The following PKD2L2 variants were observed in gnomAD, a reference collection of about 807,000 sequenced individuals.
PKD2L2 encodes the protein polycystin-2-like protein 2.
In PKD2L2, 67 loss-of-function variants were observed where a neutral mutation model predicts 83.9. The observed-to-expected ratio is 0.80, with a 90% CI of 0.66 to 0.98. The LOEUF is 0.98. PKD2L2 is among the 50% of genes least tolerant of loss of function. The pLI is 0.00. For missense variants in PKD2L2, 632 were observed against 717.2 expected (o/e 0.88, Z 1.36); for synonymous variants, 223 against 237.8 (o/e 0.94, Z 0.57).
intron 4 of PKD2L2, among the ~76,000 whole-genome samples, chr5:137,897,956 A>G (rs1756619013): frequency 6.6e-6 from 1 of 151,904 alleles, no homozygotes; most frequent in Non-Finnish European, 1.5e-5. Context: ...TAAAAAGAAG[A>G]AACAAAAAAA....
chr5:137,922,540 C>A (rs1759005414), intron 9 of PKD2L2, among the ~76,000 whole-genome samples: 1 of 152,108 alleles, frequency 6.6e-6, no homozygotes, highest in African/African-American at 2.4e-5. Flanking sequence ...GAGTTCAAGA[C>A]CAGCCTGGGC....
intron 14 of PKD2L2, chr5:137,941,910 G>A (rs1306609562): frequency 6.5e-7 from 1 of 1,530,034 alleles, no homozygotes. Context: ...AGTTAGAGAA[G>A]AAAGATGACT....
At chr5:137,892,175 C>T (rs896212202) in intron 2 of PKD2L2, among the ~76,000 whole-genome samples, 2 of 152,192 alleles carry the variant, frequency 1.3e-5, no homozygotes, top group Non-Finnish European at 2.9e-5. Context: ...TTGCCTTACT[C>T]TCATGTAGAG....
At chr5:137,902,223 A>G (rs1232097089) in intron 5 of PKD2L2, among the ~76,000 whole-genome samples, 2 of 152,176 alleles carry the variant, frequency 1.3e-5, no homozygotes, top group East Asian at 1.9e-4. Flanking sequence ...GGACCCTTCA[A>G]TGATATAGAC....
At chr5:137,923,846 G>A (rs1759145384) in intron 10 of PKD2L2, among the ~76,000 whole-genome samples, 1 of 152,182 alleles carries the variant, frequency 6.6e-6, no homozygotes, top group South Asian at 2.1e-4. Flanking sequence ...CTTCCGGAAA[G>A]TTTTTGCTCT....
intron 11 of PKD2L2, among the ~76,000 whole-genome samples, chr5:137,925,619 T>C (rs1425640457): frequency 6.6e-6 from 1 of 152,266 alleles, no homozygotes; most frequent in Non-Finnish European, 1.5e-5. Flanking sequence ...GTATTTACAC[T>C]TGTATTTATT....
intron 8 of PKD2L2, among the ~76,000 whole-genome samples, chr5:137,920,024 C>T (rs1758746186): frequency 6.6e-6 from 1 of 152,114 alleles, no homozygotes; most frequent in Admixed American, 6.6e-5. Context: ...GTGGTGAAAT[C>T]CTGTCTCTAC....
At chr5:137,935,069 T>C (rs944026338) in intron 12 of PKD2L2, among the ~76,000 whole-genome samples, 25 of 152,236 alleles carry the variant, frequency 1.6e-4, no homozygotes, top group Non-Finnish European at 7.3e-5. Context: ...GCATTATTGC[T>C]GGAGCAGGGA....
intron 6 of PKD2L2, 31 bp from the exon 7 acceptor site, chr5:137,907,711 C>G (rs780300363): frequency 9.1e-6 from 12 of 1,320,060 alleles, no homozygotes; most frequent in African/African-American, 1.5e-5. Context: ...GAGATATTCT[C>G]TAATTTAACC....
chr5:137,936,217 G>A lies in PKD2L2; in HGVS notation c.1785-103G>A, dbSNP rs1450584458. 4.0e-6 allele frequency: 4 copies of A among 1,009,026 alleles called. No individual in the cohort carries two copies. In the African/African-American group the frequency reaches 6.4e-5, roughly 16 times the overall value. The allele number at this position is 1,009,026 out of a possible 1,614,324, so 62.5% of individuals were successfully genotyped here. On this transcript the variant is annotated intron_variant, in intron 13 of 14. Coordinates refer to ENST00000508883, the MANE Select transcript of PKD2L2 (RefSeq NM_001300921.2). Reference sequence around the variant, plus strand: ...TGGCCACAAGAGGCATGTTTTAGGAGCTTACAATTCTATCTTCCCAAAGCA... The same window carrying A: ...TGGCCACAAGAGGCATGTTTTAGGAACTTACAATTCTATCTTCCCAAAGCA...
intron 8 of PKD2L2, among the ~76,000 whole-genome samples, chr5:137,916,130 A>G (rs1758314795): frequency 6.6e-6 from 1 of 151,580 alleles, no homozygotes; most frequent in Non-Finnish European, 1.5e-5. Flanking sequence ...TTGGCGTCCC[A>G]AAGTGCTGGG....
chr5:137,915,869 C>T (rs1003255123), intron 8 of PKD2L2, among the ~76,000 whole-genome samples: 5 of 151,966 alleles, frequency 3.3e-5, no homozygotes, highest in African/African-American at 1.2e-4. Context: ...AACTGTGTTC[C>T]TTCATATGGC....
intron 12 of PKD2L2, among the ~76,000 whole-genome samples, chr5:137,933,673 ACT>A (rs1463466812): frequency 6.7e-6 from 1 of 150,044 alleles, no homozygotes; most frequent in African/African-American, 2.5e-5. Flanking sequence ...CAGAATCTGA[ACT>A]CTCAGTGGTC....
intron 1 of PKD2L2, 32 bp from the exon 2 acceptor site, chr5:137,890,449 T>TG (rs772759325): frequency 1.7e-6 from 2 of 1,183,372 alleles, no homozygotes; most frequent in Non-Finnish European, 2.5e-6. Flanking sequence ...TACATAATAA[T>TG]GTAAAGAAAA....
At chr5:137,940,780 T>A (rs1761478836) in intron 14 of PKD2L2, among the ~76,000 whole-genome samples, 1 of 152,236 alleles carries the variant, frequency 6.6e-6, no homozygotes. Context: ...AACTTTATAG[T>A]AATGACCCAA....
intron 12 of PKD2L2, among the ~76,000 whole-genome samples, chr5:137,930,620 G>A (rs1486455830): frequency 4.1e-5 from 6 of 147,444 alleles, no homozygotes; most frequent in African/African-American, 7.6e-5. Flanking sequence ...CCAAGATCAC[G>A]CCACTGTACC....
At chr5:137,936,127 A>C (rs1760343042) in intron 13 of PKD2L2, among the ~76,000 whole-genome samples, 193 bp from the exon 14 acceptor site, 1 of 152,202 alleles carries the variant, frequency 6.6e-6, no homozygotes, top group Non-Finnish European at 1.5e-5. Context: ...AGAAACTGCC[A>C]TCTATATTTG....
At chr5:137,890,397 C>T (rs1755857483) in intron 1 of PKD2L2, 84 bp from the exon 2 acceptor site, 1 of 737,688 alleles carries the variant, frequency 1.4e-6, no homozygotes, top group Non-Finnish European at 2.4e-6. Flanking sequence ...AGTGTAAGGA[C>T]TAAAAGTGGC....
intron 8 of PKD2L2, among the ~76,000 whole-genome samples, chr5:137,911,653 A>G (rs1757847027): frequency 6.6e-6 from 1 of 152,200 alleles, no homozygotes; most frequent in Non-Finnish European, 1.5e-5. Flanking sequence ...TCTCATATTT[A>G]TCATTTTTGT....
Sources: allele counts gnomAD v4.1 joint callset (sites outside exome capture counted in the v4.1 genomes callset), GRCh38; gene constraint gnomAD v4.1.1; transcripts MANE v1.5; gene names NCBI Gene and HGNC (gene_info 2026-07-23, HGNC 2026-07-21).